The following RPRD1A variants were observed in gnomAD, a reference collection of about 807,000 sequenced individuals.
RPRD1A encodes the protein regulation of nuclear pre-mRNA domain-containing protein 1A.
Under a neutral mutation model 37.8 loss-of-function variants are expected in RPRD1A, and 9 were observed. The ratio of observed to expected loss-of-function variants is 0.24; its 90% CI spans 0.14 to 0.42. The LOEUF is 0.42. RPRD1A is among the 10% of genes least tolerant of loss of function. The pLI is 1.00. For synonymous variants in RPRD1A, 138 were observed against 139.7 expected (o/e 0.99, Z 0.08); for missense variants, 255 against 371.0 (o/e 0.69, Z 2.57).
intron 4 of RPRD1A, 147 bp from the exon 5 acceptor site, chr18:36,027,457 C>G: frequency 1.3e-6 from 1 of 778,870 alleles, no homozygotes; most frequent in Admixed American, 2.8e-5. Context: ...CAATTTCTTT[C>G]ATATGTTAAG....
intron 1 of RPRD1A, among the ~76,000 whole-genome samples, chr18:36,060,939 G>A (rs553647225): frequency 8.2e-4 from 124 of 151,984 alleles, no homozygotes; most frequent in African/African-American, 3.0e-3. Context: ...GAGCAGCCTC[G>A]GCAACATAGT....
At chr18:36,002,769 C>T (rs918149322) in intron 6 of RPRD1A, among the ~76,000 whole-genome samples, 1 of 152,130 alleles carries the variant, frequency 6.6e-6, no homozygotes, top group South Asian at 2.1e-4. Context: ...TTTTAGCAGG[C>T]CTTGTAATTT....
intron 1 of RPRD1A, among the ~76,000 whole-genome samples, chr18:36,066,091 C>A (rs2089024054): frequency 6.6e-6 from 1 of 152,172 alleles, no homozygotes; most frequent in Non-Finnish European, 1.5e-5. Flanking sequence ...GTTTCTGAAA[C>A]CTTTCCGTCC....
At chr18:36,056,633 A>G (rs985371891) in intron 1 of RPRD1A, among the ~76,000 whole-genome samples, 3 of 152,142 alleles carry the variant, frequency 2.0e-5, no homozygotes, top group Non-Finnish European at 2.9e-5. Context: ...TACCTACTAA[A>G]TAAGTATTTT....
chr18:36,021,461 T>C (rs532227617), intron 6 of RPRD1A, among the ~76,000 whole-genome samples: 1 of 152,352 alleles, frequency 6.6e-6, no homozygotes, highest in Admixed American at 6.5e-5. Context: ...TGGCTGTCCC[T>C]GTCTCTCCCT....
intron 1 of RPRD1A, among the ~76,000 whole-genome samples, chr18:36,066,366 C>G (rs541462579): frequency 6.6e-6 from 1 of 152,282 alleles, no homozygotes; most frequent in South Asian, 2.1e-4. Context: ...ACCTTTAACA[C>G]TTGATAAAAA....
At chr18:36,043,891 A>C (rs186262208) in intron 1 of RPRD1A, among the ~76,000 whole-genome samples, 1 of 152,258 alleles carries the variant, frequency 6.6e-6, no homozygotes, top group Admixed American at 6.5e-5. Context: ...GCAGTAAAAA[A>C]CCCATGTATA....
rs1911389217 is a variant in RPRD1A at position 36,026,635 on chromosome 18, T to C, written c.789+265A>G. ...ATACATTAGGGTTAAACTGGTAAGA[T>C]AAATTATAGTTGCATGGAATTTCAC... On this transcript the variant is annotated intron_variant, in intron 6 of 6. Transcript: ENST00000399022. 2.5e-5 allele frequency: 8 copies of C among 321,342 alleles called. No homozygotes were observed. The South Asian group carries it at 3.4e-4, about 14-fold the overall frequency. The allele number at this position is 321,342 out of a possible 1,614,324, so 19.9% of individuals were successfully genotyped here.
intron 6 of RPRD1A, among the ~76,000 whole-genome samples, chr18:35,993,564 A>G (rs566396484): frequency 1.3e-5 from 2 of 152,244 alleles, no homozygotes; most frequent in African/African-American, 4.8e-5. Flanking sequence ...ACCTCGACAT[A>G]TAAGATGTTC....
At chr18:36,010,610 A>G (rs1910119976) in intron 6 of RPRD1A, among the ~76,000 whole-genome samples, 1 of 152,220 alleles carries the variant, frequency 6.6e-6, no homozygotes, top group South Asian at 2.1e-4. Context: ...GAAAATCTAA[A>G]TCAGGCAAGG....
chr18:35,999,029 C>T (rs1909260606), intron 6 of RPRD1A, among the ~76,000 whole-genome samples: 1 of 152,316 alleles, frequency 6.6e-6, no homozygotes, highest in Admixed American at 6.5e-5. Flanking sequence ...TAAGACCAAA[C>T]ACTGCAATAG....
At chr18:35,999,565 A>G (rs1386850103) in intron 6 of RPRD1A, among the ~76,000 whole-genome samples, 2 of 152,188 alleles carry the variant, frequency 1.3e-5, no homozygotes, top group African/African-American at 4.8e-5. Flanking sequence ...TATTTCTGAA[A>G]TTAAAATATT....
At chr18:36,009,856 T>C (rs1486765397) in intron 6 of RPRD1A, among the ~76,000 whole-genome samples, 1 of 152,202 alleles carries the variant, frequency 6.6e-6, no homozygotes, top group Non-Finnish European at 1.5e-5. Flanking sequence ...CACATGTGGC[T>C]GGTGGCTGCC....
intron 1 of RPRD1A, chr18:36,064,027 T>C (rs377138531): frequency 3.3e-5 from 5 of 152,260 alleles, no homozygotes; most frequent in African/African-American, 1.2e-4. Flanking sequence ...TTTACCACAT[T>C]TGCACCATTT....
chr18:36,060,301 C>G (rs1365816786), intron 1 of RPRD1A, among the ~76,000 whole-genome samples: 1 of 151,894 alleles, frequency 6.6e-6, no homozygotes, highest in Non-Finnish European at 1.5e-5. Flanking sequence ...GGCATGGTGG[C>G]GGGCGCCTAT....
chr18:36,019,102 A>ATTTTT (rs946306446), intron 6 of RPRD1A, among the ~76,000 whole-genome samples: 9 of 118,524 alleles, frequency 7.6e-5, no homozygotes, highest in East Asian at 4.8e-4. Context: ...GGGACCATTG[A>ATTTTT]TTTTTTTTTT....
At chr18:36,052,689 C>T (rs1395429550) in intron 1 of RPRD1A, among the ~76,000 whole-genome samples, 1 of 152,138 alleles carries the variant, frequency 6.6e-6, no homozygotes, top group Non-Finnish European at 1.5e-5. Context: ...ACCTCCACCT[C>T]CCGAGCTCAA....
intron 1 of RPRD1A, among the ~76,000 whole-genome samples, chr18:36,041,804 TCAATG>T (rs1912601782): frequency 6.6e-6 from 1 of 152,210 alleles, no homozygotes; most frequent in African/African-American, 2.4e-5. Context: ...AGATGATTCT[TCAATG>T]GATTCTATCT....
intron 6 of RPRD1A, among the ~76,000 whole-genome samples, chr18:36,014,184 TAAAC>T (rs1349071857): frequency 2.0e-5 from 3 of 151,870 alleles, no homozygotes; most frequent in Non-Finnish European, 2.9e-5. Flanking sequence ...ATATTAAAAA[TAAAC>T]AAATAAAAAA....
Sources: allele counts gnomAD v4.1 joint callset (sites outside exome capture counted in the v4.1 genomes callset), GRCh38; gene constraint gnomAD v4.1.1; transcripts MANE v1.5; gene names NCBI Gene and HGNC (gene_info 2026-07-23, HGNC 2026-07-21).